The following GRID2 variants were observed in gnomAD, a reference collection of about 807,000 sequenced individuals.
The protein encoded by GRID2 is glutamate receptor ionotropic, delta-2.
In GRID2, 33 loss-of-function variants were observed where a neutral mutation model predicts 114.8. The ratio of observed to expected loss-of-function variants is 0.29; its 90% CI spans 0.22 to 0.38. The LOEUF (loss-of-function observed/expected upper bound fraction) is 0.38. Among genes scored for constraint, GRID2 ranks in the 10% least tolerant of loss-of-function variants. The pLI, the probability that GRID2 is intolerant of heterozygous loss-of-function variation, is 1.00. For synonymous variants in GRID2, 505 were observed against 449.9 expected, an observed-to-expected ratio of 1.12 and a Z score of -1.55; for missense variants, 1,184 against 1,257.7, an observed-to-expected ratio of 0.94 and a Z score of 0.89.
intron 2 of GRID2, among the ~76,000 whole-genome samples, chr4:92,802,407 G>A (rs549513775): frequency 6.6e-6 from 1 of 151,812 alleles, no homozygotes; most frequent in Admixed American, 6.6e-5. Context: ...AGTGTTATAC[G>A]AAATTGTTTC....
At chr4:93,586,162 TA>T (rs1737520131) in intron 13 of GRID2, among the ~76,000 whole-genome samples, 1 of 152,094 alleles carries the variant, frequency 6.6e-6, no homozygotes, top group Non-Finnish European at 1.5e-5. Context: ...TATTCCAAAC[TA>T]ATCATATCAT....
intron 14 of GRID2, among the ~76,000 whole-genome samples, chr4:93,634,333 A>T (rs1721219594): frequency 6.6e-6 from 1 of 152,128 alleles, no homozygotes; most frequent in South Asian, 2.1e-4. Context: ...AACGGCCATC[A>T]TGTGTTGAAA....
intron 8 of GRID2, among the ~76,000 whole-genome samples, chr4:93,247,229 G>A (rs928810235): frequency 6.6e-6 from 1 of 152,146 alleles, no homozygotes; most frequent in South Asian, 2.1e-4. Flanking sequence ...TGCTTGTTGT[G>A]ATGGTTAATT....
At chr4:93,098,616 T>C (rs1463990067) in intron 3 of GRID2, among the ~76,000 whole-genome samples, 3 of 151,966 alleles carry the variant, frequency 2.0e-5, no homozygotes, top group Admixed American at 6.6e-5. Context: ...CTGGAAAAGC[T>C]GGGTAGAACT....
At chr4:92,790,233 C>T (rs147113799) in intron 2 of GRID2, among the ~76,000 whole-genome samples, 22 of 151,492 alleles carry the variant, frequency 1.5e-4, no homozygotes, top group African/African-American at 5.3e-4. Flanking sequence ...TTTTTACAAA[C>T]CTATCTGTCT....
At chr4:92,814,904 C>G (rs1578227253) in intron 2 of GRID2, among the ~76,000 whole-genome samples, 1 of 152,050 alleles carries the variant, frequency 6.6e-6, no homozygotes, top group Non-Finnish European at 1.5e-5. Flanking sequence ...ACCTTTCTCC[C>G]TCTAGTGTCC....
intron 1 of GRID2, among the ~76,000 whole-genome samples, chr4:92,492,827 C>A (rs1453825136): frequency 6.6e-6 from 1 of 151,906 alleles, no homozygotes; most frequent in Non-Finnish European, 1.5e-5. Context: ...ATACCCAGGG[C>A]TAAATGGAAT....
intron 8 of GRID2, among the ~76,000 whole-genome samples, chr4:93,292,712 G>T (rs1753876501): frequency 6.6e-6 from 1 of 152,012 alleles, no homozygotes; most frequent in Admixed American, 6.6e-5. Flanking sequence ...AATTATGTTG[G>T]CCTTTCTGAG....
chr4:92,318,311 T>G (rs866963127), intron 1 of GRID2, among the ~76,000 whole-genome samples: 1 of 127,224 alleles, frequency 7.9e-6, no homozygotes, highest in African/African-American at 2.8e-5. Flanking sequence ...TATATATATT[T>G]TTTTTTTTTT....
chr4:92,916,710 A>G (rs201885480), intron 2 of GRID2, among the ~76,000 whole-genome samples: 3 of 152,126 alleles, frequency 2.0e-5, no homozygotes, highest in Admixed American at 6.5e-5. Context: ...TTATAGCTGC[A>G]TAGTATTCCA....
At chr4:92,597,215 T>C (rs990057665) in intron 2 of GRID2, among the ~76,000 whole-genome samples, 2 of 152,138 alleles carry the variant, frequency 1.3e-5, no homozygotes, top group African/African-American at 4.8e-5. Context: ...GAAGAAAATA[T>C]ATTCTTTCTT....
At chr4:93,523,848 CATGTTGCACA>C (rs1578185402) in intron 13 of GRID2, among the ~76,000 whole-genome samples, 1 of 152,102 alleles carries the variant, frequency 6.6e-6, no homozygotes, top group Non-Finnish European at 1.5e-5. Context: ...AGCTCTGCAC[CATGTTGCACA>C]AAGGAAAAAA....
chr4:92,959,454 T>C (rs1752645013), intron 2 of GRID2, among the ~76,000 whole-genome samples: 1 of 151,986 alleles, frequency 6.6e-6, no homozygotes, highest in Non-Finnish European at 1.5e-5. Flanking sequence ...CTGTATGCTA[T>C]TTAAAAGTGT....
At chr4:93,439,245 G>T (rs543422218) in intron 10 of GRID2, among the ~76,000 whole-genome samples, 245 of 152,182 alleles carry the variant, frequency 1.6e-3, no homozygotes, top group Non-Finnish European at 2.4e-3. Context: ...CTAGATCCCT[G>T]AGGAATCGCC....
At chr4:93,418,989 T>A (rs1439521021) in intron 9 of GRID2, among the ~76,000 whole-genome samples, 1 of 151,780 alleles carries the variant, frequency 6.6e-6, no homozygotes, top group African/African-American at 2.4e-5. Context: ...TGTAACATAT[T>A]GTGTGACTTT....
At chr4:93,494,550 T>C (rs1416851603) in intron 12 of GRID2, among the ~76,000 whole-genome samples, 1 of 151,828 alleles carries the variant, frequency 6.6e-6, no homozygotes, top group African/African-American at 2.4e-5. Context: ...TTGTTATTAA[T>C]AAAAGTTTTG....
At chr4:93,151,083 C>T (rs1471196578) in intron 4 of GRID2, among the ~76,000 whole-genome samples, 2 of 142,068 alleles carry the variant, frequency 1.4e-5, no homozygotes, top group Non-Finnish European at 3.0e-5. Flanking sequence ...AAGATTGAGC[C>T]ACTGCACTCT....
intron 13 of GRID2, among the ~76,000 whole-genome samples, chr4:93,606,534 T>A (rs539196530): frequency 6.6e-6 from 1 of 152,300 alleles, no homozygotes; most frequent in South Asian, 2.1e-4. Context: ...AAGCAAACTT[T>A]CTCCCTAGTA....
At position 92,666,633 on chromosome 4, in the gene GRID2, G is replaced by A. The variant is rs559938928; in HGVS notation, c.244+76347G>A. Among the ~76,000 whole-genome samples the A allele has an allele frequency of 3.4e-4, 41 of 121,690 alleles. No homozygotes were observed. The South Asian group carries it at 3.6e-3, about 11-fold the overall frequency. The allele number at this position is 121,690 out of a possible 152,430, so 79.8% of individuals were successfully genotyped here. On this transcript the variant is annotated intron_variant, in intron 2 of 15. Coordinates refer to ENST00000282020, the MANE Select transcript of GRID2 (RefSeq NM_001510.4). ...TCTCTATGCCAAGGATTAGGCTGAT[G>A]TGTAAACTTAAGGGTTGTTTTTTTT... is the stretch of plus-strand genomic sequence containing the variant.
Sources: gnomAD v4.1 joint callset for allele counts (sites outside exome capture counted in the v4.1 genomes callset) on GRCh38, gnomAD v4.1.1 for gene constraint, MANE v1.5 for transcripts, NCBI Gene and HGNC (gene_info 2026-07-23, HGNC 2026-07-21) for gene names.